The following EPB41L4A variants were observed in gnomAD, a reference collection of about 807,000 sequenced individuals.
The protein encoded by EPB41L4A is band 4.1-like protein 4A.
A neutral mutation model predicts 108.6 loss-of-function variants in EPB41L4A; 100 were observed. That is an observed-to-expected ratio of 0.92 (90% CI 0.78 to 1.09). EPB41L4A has a LOEUF of 1.09. Among genes scored for constraint, EPB41L4A ranks in the 50% least tolerant of loss-of-function variants. The pLI, the probability that EPB41L4A is intolerant of heterozygous loss-of-function variation, is 0.00. For missense variants in EPB41L4A, 1,030 were observed against 842.7 expected (o/e 1.22, Z -2.75); for synonymous variants, 319 against 289.0 (o/e 1.10, Z -1.05).
intron 1 of EPB41L4A, among the ~76,000 whole-genome samples, chr5:112,405,775 A>C (rs2112779100): frequency 6.6e-6 from 1 of 152,330 alleles, no homozygotes; most frequent in East Asian, 1.9e-4. Flanking sequence ...GTACCTCTTA[A>C]GAATCTCCAC....
chr5:112,185,626 C>T lies in EPB41L4A; in HGVS notation c.1503-1491G>A, dbSNP rs566355498. Among the ~76,000 whole-genome samples the T allele has an allele frequency of 2.6e-5, 4 of 152,266 alleles. No homozygotes were observed. In the South Asian group the frequency reaches 8.3e-4, roughly 32 times the overall value. On this transcript the variant is annotated intron_variant, in intron 17 of 22. Coordinates refer to ENST00000261486, the MANE Select transcript of EPB41L4A (RefSeq NM_022140.5). The stretch of plus-strand genomic sequence containing the variant: ...TAATAGGCTATTATTTGAAGATTAA[C>T]AGGATACTGTCAAGGTATTTTTCAC...
intron 17 of EPB41L4A, among the ~76,000 whole-genome samples, chr5:112,189,225 G>T (rs760031301): frequency 3.9e-5 from 6 of 152,190 alleles, no homozygotes; most frequent in Non-Finnish European, 7.3e-5. Context: ...AGGAACTTCA[G>T]AAAATACTGA....
Position 112,234,763 on chromosome 5 carries a change from G to C in EPB41L4A, c.966-8C>G, listed in dbSNP as rs1749209011. The C allele has an allele frequency of 6.2e-7, 1 of 1,607,396 alleles. No individual in the cohort carries two copies. The highest frequency in any genetic ancestry group is 8.5e-7 in the Non-Finnish European group (1 of 1,175,820). On this transcript the variant is annotated splice_region_variant and splice_polypyrimidine_tract_variant and intron_variant, in intron 11 of 22. Transcript: ENST00000261486. Reference sequence around the variant, plus strand: ...TGCAAAGCTGTCCTGCCACTTGAGAGTGCAACATTTTGATTAGCAAAGGTA... The same window carrying C: ...TGCAAAGCTGTCCTGCCACTTGAGACTGCAACATTTTGATTAGCAAAGGTA...
chr5:112,285,635 C>A (rs1336388690), intron 2 of EPB41L4A, among the ~76,000 whole-genome samples: 2 of 152,174 alleles, frequency 1.3e-5, no homozygotes, highest in Non-Finnish European at 2.9e-5. Context: ...GAGATAATTA[C>A]AACTGGCCCC....
chr5:112,306,736 T>A (rs1754706595), intron 2 of EPB41L4A, among the ~76,000 whole-genome samples: 1 of 152,186 alleles, frequency 6.6e-6, no homozygotes, highest in Non-Finnish European at 1.5e-5. Context: ...TTAATAAATA[T>A]CCTTTCGTCC....
In EPB41L4A at chr5:112,398,314, G is replaced by A. The variant is rs910582827; in HGVS notation, c.99+20627C>T. ...TACCAAATCTCTATCCTGGCAGTTA[G>A]TAAGAGTGAAGCGCTATCAGCCTCC... On this transcript the variant is annotated intron_variant, in intron 1 of 22. Coordinates refer to ENST00000261486, the MANE Select transcript of EPB41L4A (RefSeq NM_022140.5). Among the ~76,000 whole-genome samples the A allele has an allele frequency of 4.6e-5, 7 of 152,118 alleles. No individual in the cohort carries two copies. In the South Asian group the frequency reaches 1.5e-3, roughly 32 times the overall value.
intron 1 of EPB41L4A, among the ~76,000 whole-genome samples, chr5:112,367,184 G>C (rs181994723): frequency 5.3e-5 from 8 of 152,314 alleles, no homozygotes; most frequent in Admixed American, 6.5e-5. Flanking sequence ...TCTGCCCCTA[G>C]AGGAAAGAGT....
intron 1 of EPB41L4A, among the ~76,000 whole-genome samples, chr5:112,370,594 T>C (rs1759430315): frequency 6.6e-6 from 1 of 152,184 alleles, no homozygotes; most frequent in Admixed American, 6.5e-5. Context: ...AAAGTTCGAT[T>C]TTCCAGTTAC....
At chr5:112,296,480 G>A (rs1268891211) in intron 2 of EPB41L4A, among the ~76,000 whole-genome samples, 1 of 151,990 alleles carries the variant, frequency 6.6e-6, no homozygotes, top group Admixed American at 6.6e-5. Flanking sequence ...ACTGCTCTCA[G>A]ATATATAAGA....
intron 11 of EPB41L4A, among the ~76,000 whole-genome samples, chr5:112,235,493 T>C (rs1180698151): frequency 6.6e-6 from 1 of 152,182 alleles, no homozygotes; most frequent in Non-Finnish European, 1.5e-5. Context: ...GTAAATATCA[T>C]TTAGGTACAG....
chr5:112,386,134 G>A (rs377507615), intron 1 of EPB41L4A, among the ~76,000 whole-genome samples: 13 of 152,288 alleles, frequency 8.5e-5, no homozygotes, highest in African/African-American at 2.6e-4. Context: ...TCTTTAATAA[G>A]CACAGCTGTT....
At chr5:112,237,687 T>C (rs1018305803) in intron 11 of EPB41L4A, among the ~76,000 whole-genome samples, 3 of 152,304 alleles carry the variant, frequency 2.0e-5, no homozygotes, top group African/African-American at 7.2e-5. Context: ...GCAGGCATAT[T>C]GTGCTGGTTA....
rs200800112 is a variant in EPB41L4A at position 112,145,958 on chromosome 5, C to A, written n.1035G>T. 6.6e-6 allele frequency: 3 copies of A among 456,694 alleles called. No individual in the cohort carries two copies. The Admixed American group carries it at 7.0e-5, about 11-fold the overall frequency. 28.3% of individuals were successfully genotyped at this position (456,694 alleles called of 1,614,324 possible). A position where few individuals can be genotyped will look rare whatever the true frequency, so the allele number is the denominator to read the frequency against. ...AAGTGCCTTGTTCAAACTCAGATTT[C>A]CAAGTTCTCTGCCCTTTCTAGGTCT... On this transcript the variant is annotated non_coding_transcript_exon_variant, in exon 13 of 14. Coordinates refer to the EPB41L4A transcript ENST00000507810.
At chr5:112,203,931 G>A (rs777966462) in intron 15 of EPB41L4A, among the ~76,000 whole-genome samples, 18 of 151,642 alleles carry the variant, frequency 1.2e-4, no homozygotes, top group Non-Finnish European at 2.2e-4. Flanking sequence ...CTCAGCTACT[G>A]GGGAGGCTGA....
At chr5:112,159,865 GTTA>G (rs1386116573), downstream of EPB41L4A, among the ~76,000 whole-genome samples, 1 of 148,800 alleles carries the variant, frequency 6.7e-6, no homozygotes, top group African/African-American at 2.5e-5. Context: ...AATATGTTGG[GTTA>G]TTATTAAAAT....
At chr5:112,283,245 G>C (rs1022523320) in intron 2 of EPB41L4A, among the ~76,000 whole-genome samples, 1 of 152,172 alleles carries the variant, frequency 6.6e-6, no homozygotes, top group African/African-American at 2.4e-5. Context: ...CCTAGAGCCG[G>C]CCACACACAA....
In EPB41L4A at chr5:112,314,325, G is replaced by A. The variant is rs1274953058; in HGVS notation, c.100-6835C>T. 2.6e-5 allele frequency among the ~76,000 whole-genome samples: 4 copies of A among 151,562 alleles called. No homozygotes were observed. The South Asian group carries it at 6.3e-4, about 24-fold the overall frequency. ...TGGCTAGTTTCATTTGAAATTTAATGAAATCTTGATTCTTAACCTTACTTC... is the reference window on the plus strand; with the variant it reads ...TGGCTAGTTTCATTTGAAATTTAATAAAATCTTGATTCTTAACCTTACTTC... On this transcript the variant is annotated intron_variant, in intron 1 of 22. Transcript: ENST00000261486.
rs562459721 is a variant in EPB41L4A at position 112,174,317 on chromosome 5, G to A, written c.1623-3325C>T. On this transcript the variant is annotated intron_variant, in intron 18 of 22. Transcript: ENST00000261486. ...TATCTTGTGGATTTAGAAAGCTGTG[G>A]AATTCCAGCAGTCATTTTTCTTAAT... Among the ~76,000 whole-genome samples the A allele has an allele frequency of 2.6e-5, 4 of 152,272 alleles. No homozygotes were observed. The South Asian group carries it at 8.3e-4, about 32-fold the overall frequency.
At chr5:112,314,859 GA>G (rs1468510884) in intron 1 of EPB41L4A, among the ~76,000 whole-genome samples, 1 of 152,050 alleles carries the variant, frequency 6.6e-6, no homozygotes, top group African/African-American at 2.4e-5. Flanking sequence ...ACCATTTCCA[GA>G]AGAAACCTCT....
Sources: allele counts gnomAD v4.1 joint callset (sites outside exome capture counted in the v4.1 genomes callset), GRCh38; gene constraint gnomAD v4.1.1; transcripts MANE v1.5; gene names NCBI Gene and HGNC (gene_info 2026-07-23, HGNC 2026-07-21).